Variants in KCNAB1 observed in about 807,000 individuals in gnomAD.
KCNAB1 encodes the protein potassium voltage-gated channel subfamily A regulatory beta subunit 1, also known as voltage-gated potassium channel subunit beta-1.
A neutral mutation model predicts 64.6 loss-of-function variants in KCNAB1; 35 were observed. The ratio of observed to expected loss-of-function variants is 0.54; its 90% CI spans 0.41 to 0.72. The LOEUF is 0.72. Ranked by LOEUF, KCNAB1 falls within the 30% of genes least tolerant of loss-of-function variation. The probability of loss-of-function intolerance (pLI) is 0.00; values close to 1 mark genes in which losing one functional copy is unlikely to be tolerated. For synonymous variants in KCNAB1, 177 were observed against 183.8 expected, an observed-to-expected ratio of 0.96 and a Z score of 0.30; for missense variants, 401 against 512.9, an observed-to-expected ratio of 0.78 and a Z score of 2.11.
chr3:156,324,508 AT>A (rs1374139697), intron 1 of KCNAB1, among the ~76,000 whole-genome samples: 9 of 152,052 alleles, frequency 5.9e-5, no homozygotes. Flanking sequence ...TTATTCATGC[AT>A]TTACTCATTC....
intron 1 of KCNAB1, among the ~76,000 whole-genome samples, chr3:156,217,464 C>G (rs765556796): frequency 3.3e-5 from 5 of 152,170 alleles, no homozygotes; most frequent in Non-Finnish European, 7.4e-5. Flanking sequence ...TTCTTAAGAC[C>G]TGAGTAAAAA....
chr3:156,251,583 T>G (rs1717830887), intron 1 of KCNAB1, among the ~76,000 whole-genome samples: 1 of 152,080 alleles, frequency 6.6e-6, no homozygotes, highest in Non-Finnish European at 1.5e-5. Flanking sequence ...ATTTGCTCAT[T>G]TGGTCACATT....
chr3:156,300,758 C>T (rs561632103), intron 1 of KCNAB1, among the ~76,000 whole-genome samples: 8 of 151,808 alleles, frequency 5.3e-5, no homozygotes, highest in Non-Finnish European at 1.0e-4. Context: ...GATATCAACT[C>T]GAAAAATTAT....
chr3:156,490,155 TCCAGGTCACCAGCAG>T (rs552730824), intron 8 of KCNAB1, among the ~76,000 whole-genome samples: 28 of 152,136 alleles, frequency 1.8e-4, no homozygotes, highest in Non-Finnish European at 2.9e-4. Context: ...CTCACCCATG[TCCAGGTCACCAGCAG>T]CCAGGTCACA....
chr3:156,384,537 C>A (rs1020386829), intron 1 of KCNAB1, among the ~76,000 whole-genome samples: 1 of 152,138 alleles, frequency 6.6e-6, no homozygotes, highest in African/African-American at 2.4e-5. Context: ...CAAAAAAAGT[C>A]TATTTCTAGG....
intron 1 of KCNAB1, among the ~76,000 whole-genome samples, chr3:156,283,375 C>A (rs1224650997): frequency 1.3e-5 from 2 of 150,764 alleles, no homozygotes; most frequent in African/African-American, 5.0e-5. Context: ...GTAACCCGAC[C>A]CTTCTCTCTG....
intron 1 of KCNAB1, among the ~76,000 whole-genome samples, chr3:156,249,435 G>A (rs1361329972): frequency 6.6e-6 from 1 of 152,048 alleles, no homozygotes; most frequent in African/African-American, 2.4e-5. Context: ...AGCCAGGCAT[G>A]ATGGTGCGTG....
chr3:156,266,601 TCA>T (rs1180237336), intron 1 of KCNAB1, among the ~76,000 whole-genome samples: 4 of 152,208 alleles, frequency 2.6e-5, no homozygotes, highest in Non-Finnish European at 5.9e-5. Flanking sequence ...TTAAAAAGCC[TCA>T]GTTATTAGAA....
intron 1 of KCNAB1, among the ~76,000 whole-genome samples, chr3:156,370,827 C>T (rs969101641): frequency 5.9e-5 from 9 of 152,176 alleles, no homozygotes; most frequent in Admixed American, 1.3e-4. Context: ...GGAGAGATTC[C>T]GTGGTGGCAG....
intron 1 of KCNAB1, among the ~76,000 whole-genome samples, chr3:156,277,601 A>G (rs968346976): frequency 6.6e-6 from 1 of 152,114 alleles, no homozygotes; most frequent in Non-Finnish European, 1.5e-5. Context: ...GCTAAATAAT[A>G]TTCTATTGTA....
chr3:156,203,637 T>C (rs1277819807), intron 1 of KCNAB1, among the ~76,000 whole-genome samples: 1 of 152,238 alleles, frequency 6.6e-6, no homozygotes, highest in Non-Finnish European at 1.5e-5. Flanking sequence ...GTTATTGTTA[T>C]GTTTCTCTTG....
chr3:156,140,787 G>T (rs1314868884), intron 1 of KCNAB1, among the ~76,000 whole-genome samples: 1 of 152,232 alleles, frequency 6.6e-6, no homozygotes, highest in Non-Finnish European at 1.5e-5. Flanking sequence ...GAAGTGTGAA[G>T]TGAGGGCTTT....
intron 1 of KCNAB1, among the ~76,000 whole-genome samples, chr3:156,152,527 A>G (rs1316850768): frequency 6.6e-6 from 1 of 152,240 alleles, no homozygotes; most frequent in Non-Finnish European, 1.5e-5. Context: ...TCAATGGGCT[A>G]GATGGAACAT....
chr3:156,311,629 A>G (rs1721911594), intron 1 of KCNAB1, among the ~76,000 whole-genome samples: 2 of 152,202 alleles, frequency 1.3e-5, no homozygotes, highest in South Asian at 4.1e-4. Flanking sequence ...TTTGGCCTCC[A>G]TCAGAAAGAC....
chr3:156,238,391 T>C (rs1475379187), intron 1 of KCNAB1, among the ~76,000 whole-genome samples: 1 of 131,602 alleles, frequency 7.6e-6, no homozygotes, highest in Non-Finnish European at 1.5e-5. Flanking sequence ...CACTGCACTC[T>C]GGCCTGGGTG....
intron 1 of KCNAB1, among the ~76,000 whole-genome samples, chr3:156,287,095 A>G (rs1465935273): frequency 1.3e-5 from 2 of 152,128 alleles, no homozygotes; most frequent in East Asian, 1.9e-4. Context: ...CCCAACTCCA[A>G]CTGACTGCAC....
At chr3:156,209,299 G>T (rs1430775177) in intron 1 of KCNAB1, among the ~76,000 whole-genome samples, 2 of 152,176 alleles carry the variant, frequency 1.3e-5, no homozygotes, top group Non-Finnish European at 2.9e-5. Context: ...CATGTGCAAA[G>T]GTACTATGGC....
intron 1 of KCNAB1, among the ~76,000 whole-genome samples, chr3:156,154,728 C>T (rs1715616637): frequency 6.6e-6 from 1 of 152,110 alleles, no homozygotes; most frequent in Non-Finnish European, 1.5e-5. Flanking sequence ...CCTACTCTAC[C>T]ACTTTGGCAA....
intron 1 of KCNAB1, among the ~76,000 whole-genome samples, chr3:156,309,214 G>T (rs577929349): frequency 3.3e-5 from 5 of 152,222 alleles, no homozygotes; most frequent in African/African-American, 1.2e-4. Flanking sequence ...TAATCATATG[G>T]GTGTTTTGTG....
Sources: allele counts gnomAD v4.1 joint callset (sites outside exome capture counted in the v4.1 genomes callset), GRCh38; gene constraint gnomAD v4.1.1; transcripts MANE v1.5; gene names NCBI Gene and HGNC (gene_info 2026-07-23, HGNC 2026-07-21).